PAX6: variants seen among roughly 807,000 people sequenced by gnomAD.
PAX6 encodes the protein paired box 6, also known as paired box protein Pax-6.
A neutral mutation model predicts 60.7 loss-of-function variants in PAX6; 7 were observed. The ratio of observed to expected loss-of-function variants is 0.12; its 90% CI spans 0.07 to 0.22. The LOEUF is 0.22. PAX6 is among the 10% of genes least tolerant of loss of function. The pLI is 1.00. For synonymous variants in PAX6, 208 were observed against 201.2 expected (o/e 1.03, Z -0.29); for missense variants, 355 against 555.2 (o/e 0.64, Z 3.62).
intron 5 of PAX6, 111 bp downstream of exon 5, chr11:31,802,593 G>C: frequency 1.6e-6 from 2 of 1,216,568 alleles, no homozygotes; most frequent in Non-Finnish European, 2.3e-6. Context: ...ACTGGGGTGG[G>C]TGAGGGTGGG....
At chr11:31,796,501 C>T (rs552389390) in intron 8 of PAX6, among the ~76,000 whole-genome samples, 76 of 148,608 alleles carry the variant, frequency 5.1e-4, no homozygotes, top group Non-Finnish European at 7.4e-5. Flanking sequence ...GGGGCCAGGG[C>T]CCAGCATGGG....
At chr11:31,800,276 C>A (rs181345524) in intron 8 of PAX6, among the ~76,000 whole-genome samples, 1 of 152,276 alleles carries the variant, frequency 6.6e-6, no homozygotes, top group Admixed American at 6.5e-5. Flanking sequence ...CATAATTTGT[C>A]AATTACAGCA....
At chr11:31,809,632 C>G (rs1163641574) in intron 2 of PAX6, 2 of 152,170 alleles carry the variant, frequency 1.3e-5, no homozygotes, top group Non-Finnish European at 2.9e-5. Context: ...GAGGCAACAA[C>G]TTTATGAACT....
chr11:31,790,432 C>A (rs890570175), intron 13 of PAX6: 2 of 1,320,446 alleles, frequency 1.5e-6, no homozygotes, highest in Non-Finnish European at 1.9e-6. Flanking sequence ...TACTGAGCTT[C>A]GTCTAATAAT....
upstream of PAX6, among the ~76,000 whole-genome samples, chr11:31,815,729 G>C (rs1456486303): frequency 6.7e-6 from 1 of 150,266 alleles, no homozygotes; most frequent in Non-Finnish European, 1.5e-5. Context: ...CGGCAGCCAG[G>C]GATCAAAAGC....
intron 2 of PAX6, chr11:31,807,575 C>A (rs1244191338): frequency 6.6e-6 from 1 of 152,180 alleles, no homozygotes; most frequent in African/African-American, 2.4e-5. Context: ...TGATTAACTT[C>A]TCTTTTGGCG....
In PAX6 at chr11:31,789,389, T is replaced by C. The variant is rs1013484317; in HGVS notation, c.*545A>G. On this transcript the variant is annotated 3_prime_UTR_variant, in exon 14 of 14. Transcript: ENST00000640368. Reference sequence around the variant, plus strand: ...CATAAACTTCATCTGTTAACAACCTTTGGAAAACCAACAGATATTTCTGAC... The same window carrying C: ...CATAAACTTCATCTGTTAACAACCTCTGGAAAACCAACAGATATTTCTGAC... 2 of 335,130 alleles carry C rather than the reference T, an allele frequency of 6.0e-6. No individual in the cohort carries two copies. 20.8% of individuals were successfully genotyped at this position (335,130 alleles called of 1,614,324 possible). A position where few individuals can be genotyped will look rare whatever the true frequency, so the allele number is the denominator to read the frequency against.
rs955360072 is a variant in PAX6 at position 31,789,589 on chromosome 11, AAAC to A, written c.*342_*344del. 15 of 606,698 alleles carry A rather than the reference AAAC, an allele frequency of 2.5e-5. No homozygotes were observed. The highest frequency in any genetic ancestry group is 8.3e-5 in the East Asian group (3 of 36,238). 37.6% of individuals were successfully genotyped at this position (606,698 alleles called of 1,614,324 possible). On this transcript the variant is annotated 3_prime_UTR_variant, in exon 14 of 14. Coordinates refer to ENST00000640368, the MANE Select transcript of PAX6 (RefSeq NM_001368894.2). The stretch of plus-strand genomic sequence containing the variant: ...ATGGTTTTCTTTTTAAAAAAAAAAA[AAAC>A]AACTTCATGACCAACACAGATCAAA...
chr11:31,809,262 A>G (rs1267235742), intron 2 of PAX6: 1 of 152,174 alleles, frequency 6.6e-6, no homozygotes, highest in Non-Finnish European at 1.5e-5. Context: ...TAAAAAATGT[A>G]ATGTCAACCG....
chr11:31,810,933 T>G lies in PAX6; in HGVS notation c.-234A>C. ...GCTTGAAGACCACAATGGTTTGAAATGACGGTGTTTTAAAGGAGTTGCTGG... is the reference window on the plus strand; with the variant it reads ...GCTTGAAGACCACAATGGTTTGAAAGGACGGTGTTTTAAAGGAGTTGCTGG... On this transcript the variant is annotated 5_prime_UTR_variant, in exon 2 of 14. Transcript: ENST00000640368. 1 of 399,262 alleles carries G rather than the reference T, an allele frequency of 2.5e-6. No homozygotes were observed. 24.7% of individuals were successfully genotyped at this position (399,262 alleles called of 1,614,324 possible).
chr11:31,799,050 A>T (rs967286008), intron 8 of PAX6, among the ~76,000 whole-genome samples: 3 of 152,244 alleles, frequency 2.0e-5, no homozygotes, highest in African/African-American at 7.2e-5. Context: ...GACTCTTGTC[A>T]GGGGAGGGAT....
chr11:31,801,362 C>T, intron 7 of PAX6, 199 bp downstream of exon 7: 2 of 1,479,616 alleles, frequency 1.4e-6, no homozygotes, highest in Non-Finnish European at 1.8e-6. Flanking sequence ...GAATGACTCC[C>T]CACACTTGAC....
chr11:31,814,665 C>G (rs550811856), upstream of PAX6: 1 of 152,498 alleles, frequency 6.6e-6, no homozygotes, highest in East Asian at 1.9e-4. Context: ...AGCTGGCAAA[C>G]GGGTCCAGTG....
Position 31,793,552 on chromosome 11 carries a change from A to G in PAX6, c.960T>C (p.Val320=), listed in dbSNP as rs764898561. 22 of 1,614,028 alleles carry G rather than the reference A, an allele frequency of 1.4e-5. No individual in the cohort carries two copies. Among genetic ancestry groups the G allele is most frequent in the Admixed American group, 1.3e-4 (8 of 59,998 alleles). Residue 320 remains valine (V), a splice_region_variant and synonymous_variant, in exon 12 of 14, where the codon GTT becomes GTC. Coordinates refer to ENST00000640368, the MANE Select transcript of PAX6 (RefSeq NM_001368894.2). ...ACATGGAGCCAGATGTGAAGGAGGA[A>G]ACTGAGGGCAAGAGAAATGACAGTA... ...YQPIPQPTTP[V]SSFTSGSMLG...
In PAX6 at chr11:31,789,943, T is replaced by C; in HGVS notation, c.1302A>G (p.Arg434=). ...TTTTTTTTTTTTTTTTTTACTGTAATCTTGGCCAGTATTGAGACATATCAG... is the reference window on the plus strand; with the variant it reads ...TTTTTTTTTTTTTTTTTTACTGTAACCTTGGCCAGTATTGAGACATATCAG... The part of the protein sequence containing the change: ...SEPDMSQYWP[R]LQ Residue 434 remains arginine (R), a synonymous_variant, in exon 14 of 14, where the codon AGA becomes AGG. Coordinates refer to ENST00000640368, the MANE Select transcript of PAX6 (RefSeq NM_001368894.2). The C allele has an allele frequency of 7.3e-7, 1 of 1,372,798 alleles. No individual in the cohort carries two copies. Among genetic ancestry groups the C allele is most frequent in the Non-Finnish European group, 1.0e-6 (1 of 973,828 alleles). 85.0% of individuals were successfully genotyped at this position (1,372,798 alleles called of 1,614,324 possible).
intron 2 of PAX6, chr11:31,808,237 T>G (rs1956300373): frequency 6.6e-6 from 1 of 152,234 alleles, no homozygotes; most frequent in Admixed American, 6.5e-5. Context: ...CACATTTTAC[T>G]CTACAAGGCC....
chr11:31,817,066 G>C (rs1957416130), intron 1 of PAX6, among the ~76,000 whole-genome samples: 1 of 152,240 alleles, frequency 6.6e-6, no homozygotes, highest in Non-Finnish European at 1.5e-5. Flanking sequence ...TCTCTTTCCC[G>C]GGCTTGGCGG....
chr11:31,798,407 T>C (rs1019322944), intron 8 of PAX6, among the ~76,000 whole-genome samples: 32 of 196 alleles, frequency 0.16, no homozygotes, highest in Non-Finnish European at 0.23. Flanking sequence ...CGCCTTATGC[T>C]TTTGGAGTAT....
At chr11:31,800,231 T>C (rs1953195740) in intron 8 of PAX6, among the ~76,000 whole-genome samples, 1 of 152,160 alleles carries the variant, frequency 6.6e-6, no homozygotes, top group Non-Finnish European at 1.5e-5. Context: ...TGCATCTCCC[T>C]GCTCACCTTT....
Sources: allele counts gnomAD v4.1 joint callset (sites outside exome capture counted in the v4.1 genomes callset), GRCh38; gene constraint gnomAD v4.1.1; transcripts MANE v1.5; gene names NCBI Gene and HGNC (gene_info 2026-07-23, HGNC 2026-07-21).